KCNMA1: variants seen among roughly 807,000 people sequenced by gnomAD.
The protein encoded by KCNMA1 is Calcium-activated potassium channel subunit alpha-1.
A neutral mutation model predicts 140.0 loss-of-function variants in KCNMA1; 29 were observed. The ratio of observed to expected loss-of-function variants is 0.21; its 90% CI spans 0.15 to 0.28. KCNMA1 has a LOEUF of 0.28. KCNMA1 is among the 10% of genes least tolerant of loss of function. The probability of loss-of-function intolerance (pLI) is 1.00; values close to 1 mark genes in which losing one functional copy is unlikely to be tolerated. For missense variants in KCNMA1, 880 were observed against 1,602.2 expected, an observed-to-expected ratio of 0.55 and a Z score of 7.70; for synonymous variants, 612 against 611.9, an observed-to-expected ratio of 1.00 and a Z score of 0.00.
chr10:77,046,344 A>C (rs2153608119), intron 14 of KCNMA1, among the ~76,000 whole-genome samples: 1 of 152,350 alleles, frequency 6.6e-6, no homozygotes, highest in East Asian at 1.9e-4. Context: ...TGACTGGCAT[A>C]TCTTAGATGC....
At chr10:77,270,778 A>G (rs2064881061) in intron 2 of KCNMA1, among the ~76,000 whole-genome samples, 1 of 151,756 alleles carries the variant, frequency 6.6e-6, no homozygotes, top group African/African-American at 2.4e-5. Flanking sequence ...GCGTTGAGGC[A>G]CCGTGCCTGG....
At chr10:76,970,329 GAAAAAAAAA>G (rs10563488) in intron 19 of KCNMA1, 12 of 187,040 alleles carry the variant, frequency 6.4e-5, no homozygotes, top group Non-Finnish European at 9.7e-5. Context: ...CCTGCCATAA[GAAAAAAAAA>G]AAAAAAAAAG....
chr10:77,538,072 C>T (rs1313496592), intron 1 of KCNMA1, among the ~76,000 whole-genome samples: 2 of 151,768 alleles, frequency 1.3e-5, no homozygotes, highest in African/African-American at 2.4e-5. Flanking sequence ...CACACACTCA[C>T]ACACATCCAC....
chr10:77,635,038 C>T lies in KCNMA1; in HGVS notation c.378+2227G>A, dbSNP rs367860638. The T allele has an allele frequency of 1.4e-4, 21 of 152,330 alleles. No homozygotes were observed. The East Asian group carries it at 1.9e-3, about 14-fold the overall frequency. 9.4% of individuals were successfully genotyped at this position (152,330 alleles called of 1,614,324 possible). ...ACATCTTCCAAACAAACCACCATCA[C>T]CTCTCATCCCTGGCAGATTTCTTAC... On this transcript the variant is annotated intron_variant, in intron 1 of 27. Transcript: ENST00000286628.
chr10:77,324,113 C>T (rs10824526), intron 2 of KCNMA1, among the ~76,000 whole-genome samples: 39,525 of 151,950 alleles, frequency 0.26, 6,491 homozygotes, highest in Non-Finnish European at 0.38. Flanking sequence ...GAACATCTGG[C>T]TTCATTGCAA....
chr10:76,960,173 C>T lies in KCNMA1; in HGVS notation c.2361-6249G>A, dbSNP rs569406166. Among the ~76,000 whole-genome samples, 14 of 152,250 alleles carry T rather than the reference C, an allele frequency of 9.2e-5. No homozygotes were observed. The South Asian group carries it at 2.5e-3, about 27-fold the overall frequency. ...TGTGAATGATTAGCAGAAATTCACC[C>T]CATAACCCTTGCATCTCAGCTCACC... On this transcript the variant is annotated intron_variant, in intron 20 of 27. Transcript: ENST00000286628.
intron 15 of KCNMA1, among the ~76,000 whole-genome samples, chr10:77,035,482 C>T (rs1180355426): frequency 6.6e-6 from 1 of 152,196 alleles, no homozygotes; most frequent in Non-Finnish European, 1.5e-5. Context: ...TGGAGGCAGC[C>T]ACCCTAGGGA....
chr10:76,961,702 G>A (rs761891332), intron 20 of KCNMA1, among the ~76,000 whole-genome samples: 3 of 152,032 alleles, frequency 2.0e-5, no homozygotes, highest in Non-Finnish European at 2.9e-5. Flanking sequence ...ACCACCCCCC[G>A]ATCAGACAGC....
rs141237538 is a variant in KCNMA1, at chr10:77,408,856, C to G, written c.379-4833G>C. Among the ~76,000 whole-genome samples, 58 of 152,284 alleles carry G rather than the reference C, an allele frequency of 3.8e-4. No individual in the cohort carries two copies. In the East Asian group the frequency reaches 0.011, roughly 28 times the overall value. Reference sequence around the variant, plus strand: ...TGCCTCCAACCCTGCCCTCTCTCCCCACTAGAGCCTTGTGTAAAGCAGGCC... The same window carrying G: ...TGCCTCCAACCCTGCCCTCTCTCCCGACTAGAGCCTTGTGTAAAGCAGGCC... On this transcript the variant is annotated intron_variant, in intron 1 of 27. Transcript: ENST00000286628.
intron 17 of KCNMA1, among the ~76,000 whole-genome samples, chr10:77,018,264 T>C (rs1170973757): frequency 6.6e-6 from 1 of 152,208 alleles, no homozygotes; most frequent in African/African-American, 2.4e-5. Context: ...AATAATGTAC[T>C]TAAAATATTT....
chr10:76,877,687 C>T, downstream of KCNMA1: 1 of 1,522,154 alleles, frequency 6.6e-7, no homozygotes, highest in Non-Finnish European at 8.9e-7. Context: ...AGTCACATCA[C>T]CATTTATGAA....
exon 30 of KCNMA1, chr10:76,877,856 G>C: frequency 1.2e-6 from 2 of 1,610,218 alleles, no homozygotes; most frequent in Non-Finnish European, 1.7e-6. Context: ...TTCTGGGATA[G>C]GCATTATCCG....
intron 2 of KCNMA1, among the ~76,000 whole-genome samples, chr10:77,268,255 C>T (rs1005103942): frequency 1.3e-5 from 2 of 152,224 alleles, no homozygotes; most frequent in Admixed American, 1.3e-4. Context: ...TGTTTAGTAA[C>T]CTGATATACC....
At chr10:77,253,369 T>A (rs66543859) in intron 2 of KCNMA1, among the ~76,000 whole-genome samples, 27,317 of 152,264 alleles carry the variant, frequency 0.18, 2,678 homozygotes, top group Middle Eastern at 0.23. Context: ...AGAAAAGGAC[T>A]GGAAAGAAGC....
chr10:77,528,434 C>A (rs2056555031), intron 1 of KCNMA1, among the ~76,000 whole-genome samples: 1 of 151,972 alleles, frequency 6.6e-6, no homozygotes, highest in Admixed American at 6.5e-5. Context: ...CATGGTGAAA[C>A]CCTGTCTCTA....
intron 2 of KCNMA1, among the ~76,000 whole-genome samples, chr10:77,402,705 G>T (rs1290711922): frequency 6.6e-6 from 1 of 152,114 alleles, no homozygotes; most frequent in East Asian, 1.9e-4. Context: ...TCCATCTACA[G>T]TCACCTCTTC....
At chr10:77,218,431 A>G (rs1339659142) in intron 3 of KCNMA1, among the ~76,000 whole-genome samples, 6 of 152,192 alleles carry the variant, frequency 3.9e-5, no homozygotes, top group Admixed American at 3.9e-4. Flanking sequence ...ACTGGGGAAT[A>G]ACTCACTGGA....
At chr10:76,942,609 C>T (rs1481905625) in intron 23 of KCNMA1, among the ~76,000 whole-genome samples, 1 of 152,072 alleles carries the variant, frequency 6.6e-6, no homozygotes, top group Admixed American at 6.5e-5. Flanking sequence ...CCAGTTTGGC[C>T]TTTATATAGG....
intron 13 of KCNMA1, among the ~76,000 whole-genome samples, chr10:77,078,465 T>G (rs1404085085): frequency 1.3e-5 from 2 of 152,246 alleles, no homozygotes; most frequent in Admixed American, 1.3e-4. Context: ...TTTTGTCTTC[T>G]TTCTAATCAA....
Sources: gnomAD v4.1 joint callset for allele counts (sites outside exome capture counted in the v4.1 genomes callset) on GRCh38, gnomAD v4.1.1 for gene constraint, MANE v1.5 for transcripts, NCBI Gene and HGNC (gene_info 2026-07-23, HGNC 2026-07-21) for gene names.